DOCK9: variants seen among roughly 807,000 people sequenced by gnomAD.
DOCK9 encodes dedicator of cytokinesis 9.
A neutral mutation model predicts 263.3 loss-of-function variants in DOCK9; 89 were observed. That is an observed-to-expected ratio of 0.34 (90% confidence interval 0.28 to 0.40). The LOEUF (loss-of-function observed/expected upper bound fraction) is 0.40. Ranked by LOEUF, DOCK9 falls within the 10% of genes least tolerant of loss-of-function variation. The pLI is 1.00. For missense variants in DOCK9, 2,140 were observed against 2,603.4 expected (o/e 0.82, Z 3.87); for synonymous variants, 976 against 973.1 (o/e 1.00, Z -0.06).
chr13:99,087,969 G>A (rs1387628359), upstream of DOCK9: 1 of 152,304 alleles, frequency 6.6e-6, no homozygotes, highest in African/African-American at 2.4e-5. Context: ...GCCGCCTGTT[G>A]CGTCCCACCC....
chr13:99,017,112 T>C (rs1885515299), intron 1 of DOCK9, among the ~76,000 whole-genome samples: 1 of 152,194 alleles, frequency 6.6e-6, no homozygotes, highest in Non-Finnish European at 1.5e-5. Flanking sequence ...GTTGGCCACA[T>C]GCAAAAAACA....
At position 98,888,179 on chromosome 13, in the gene DOCK9, C is replaced by T. The variant is rs771981858; in HGVS notation, c.2022G>A (p.Glu674=). 1.5e-5 allele frequency: 24 copies of T among 1,607,862 alleles called. No homozygotes were observed. The East Asian group carries it at 3.8e-4, about 25-fold the overall frequency. Residue 674 remains glutamate (E), a synonymous_variant, in exon 18 of 53, where the codon GAG becomes GAA. Coordinates refer to ENST00000682017, the MANE Select transcript of DOCK9 (RefSeq NM_001366683.2). The part of the protein sequence containing the change: ...AICIEFKDSD[E]EDSQPLKCIY... ...AAACCTTAAGGGGCTGAGAGTCTTC[C>T]TCATCTGAATCTTTGAATTCAATGC...
At chr13:98,979,012 C>T (rs868845907), upstream of DOCK9, among the ~76,000 whole-genome samples, 1 of 151,950 alleles carries the variant, frequency 6.6e-6, no homozygotes, top group Non-Finnish European at 1.5e-5. Flanking sequence ...TAGAAATGAA[C>T]ATTAAAGGGG....
Position 99,045,885 on chromosome 13 carries a change from G to T in DOCK9, c.129+40338C>A, listed in dbSNP as rs1489420263. The stretch of plus-strand genomic sequence containing the variant: ...AGGCGGGCGGATCATGAGGTCAGGA[G>T]ATTGAGACTATTCTGGCTAACACGG... On this transcript the variant is annotated intron_variant, in intron 1 of 32. Transcript: ENST00000427887. Among the ~76,000 whole-genome samples the T allele has an allele frequency of 3.3e-5, 5 of 150,924 alleles. No homozygotes were observed. In the South Asian group the frequency reaches 1.0e-3, roughly 32 times the overall value.
At chr13:98,927,782 G>C (rs2053240176) in intron 3 of DOCK9, among the ~76,000 whole-genome samples, 1 of 151,794 alleles carries the variant, frequency 6.6e-6, no homozygotes, top group African/African-American at 2.4e-5. Context: ...CACGACGCCT[G>C]GCTACTTTTT....
intron 2 of DOCK9, among the ~76,000 whole-genome samples, chr13:98,939,130 C>G (rs905246883): frequency 3.3e-5 from 5 of 152,242 alleles, no homozygotes; most frequent in Admixed American, 2.6e-4. Flanking sequence ...AAGGGGAGAC[C>G]ACAGCGCTCC....
chr13:98,819,587 T>A (rs1004434242), intron 45 of DOCK9, among the ~76,000 whole-genome samples: 3 of 152,198 alleles, frequency 2.0e-5, no homozygotes, highest in Admixed American at 1.3e-4. Flanking sequence ...TGTGCTGGCA[T>A]CCGGCAAAGG....
chr13:98,885,430 C>A lies in DOCK9; in HGVS notation c.2260+278G>T, dbSNP rs1183011275. On this transcript the variant is annotated intron_variant, in intron 20 of 52. Coordinates refer to ENST00000682017, the MANE Select transcript of DOCK9 (RefSeq NM_001366683.2). The stretch of plus-strand genomic sequence containing the variant: ...ACCAGCCTGGGCAACATGGCGAAAT[C>A]CCGTCTCTACAAAAAAATACAAAAA... The A allele has an allele frequency of 1.5e-5, 8 of 530,662 alleles. No individual in the cohort carries two copies. In the East Asian group the frequency reaches 2.9e-4, roughly 20 times the overall value. The allele number at this position is 530,662 out of a possible 1,614,324, so 32.9% of individuals were successfully genotyped here. A position where few individuals can be genotyped will look rare whatever the true frequency, so the allele number is the denominator to read the frequency against.
At chr13:99,026,921 G>A (rs1255223799) in intron 1 of DOCK9, among the ~76,000 whole-genome samples, 1 of 152,208 alleles carries the variant, frequency 6.6e-6, no homozygotes, top group Non-Finnish European at 1.5e-5. Flanking sequence ...TACTCTAGCA[G>A]AGTACCTTTA....
chr13:98,817,494 T>C (rs1283521850), intron 45 of DOCK9, among the ~76,000 whole-genome samples: 2 of 130,286 alleles, frequency 1.5e-5, no homozygotes, highest in East Asian at 4.4e-4. Context: ...GGTCTCACTA[T>C]GTTTCCCAGG....
rs1312095276 is a variant in DOCK9, at chr13:98,961,672, T to C, written c.127-6121A>G. Among the ~76,000 whole-genome samples, 7 of 151,880 alleles carry C rather than the reference T, an allele frequency of 4.6e-5. No individual in the cohort carries two copies. The East Asian group carries it at 1.4e-3, about 29-fold the overall frequency. ...TGCAAACACTCAGCTCCACTATCAG[T>C]GCCTCAGGGCAGGGCTGAGTCTTGT... On this transcript the variant is annotated intron_variant, in intron 1 of 52. Coordinates refer to ENST00000682017, the MANE Select transcript of DOCK9 (RefSeq NM_001366683.2).
intron 2 of DOCK9, chr13:98,950,122 A>C (rs1200391415): frequency 4.2e-5 from 23 of 544,304 alleles, no homozygotes; most frequent in Non-Finnish European, 6.2e-5. Flanking sequence ...CTTCAGGCAA[A>C]GTCTTGCAAT....
At chr13:98,956,767 AAAGT>A (rs2058103379) in intron 1 of DOCK9, among the ~76,000 whole-genome samples, 1 of 152,192 alleles carries the variant, frequency 6.6e-6, no homozygotes, top group Non-Finnish European at 1.5e-5. Context: ...AATTAAAAAA[AAAGT>A]AAGTCCATTA....
chr13:98,884,434 T>C (rs2045354657), intron 21 of DOCK9, among the ~76,000 whole-genome samples: 1 of 152,186 alleles, frequency 6.6e-6, no homozygotes, highest in Non-Finnish European at 1.5e-5. Context: ...CAGACAAACA[T>C]AAAAAGAACA....
chr13:98,935,801 G>A (rs2054722081), intron 2 of DOCK9, among the ~76,000 whole-genome samples: 1 of 151,988 alleles, frequency 6.6e-6, no homozygotes, highest in Non-Finnish European at 1.5e-5. Context: ...TAAAAGAAAG[G>A]TTGGAACCCA....
chr13:99,022,042 G>A (rs1302692079), intron 1 of DOCK9, among the ~76,000 whole-genome samples: 1 of 152,170 alleles, frequency 6.6e-6, no homozygotes, highest in Non-Finnish European at 1.5e-5. Flanking sequence ...AAATAAAAGT[G>A]TGAACTCTTA....
At chr13:99,076,990 G>C (rs2041933204) in intron 1 of DOCK9, among the ~76,000 whole-genome samples, 1 of 152,208 alleles carries the variant, frequency 6.6e-6, no homozygotes, top group Non-Finnish European at 1.5e-5. Flanking sequence ...GCAACTGAGA[G>C]GGGTGGCCAG....
At position 98,906,568 on chromosome 13, in the gene DOCK9, G is replaced by C. The variant is rs2049131153; in HGVS notation, c.961-1862C>G. On this transcript the variant is annotated intron_variant, in intron 9 of 52. Transcript: ENST00000682017. ...TCTCTCATCTGCTACTTTCCCCAAAGACATGAGTCACATCTCAGCACTTGA... is the reference window on the plus strand; with the variant it reads ...TCTCTCATCTGCTACTTTCCCCAAACACATGAGTCACATCTCAGCACTTGA... Among the ~76,000 whole-genome samples the C allele has an allele frequency of 1.3e-5, 2 of 152,178 alleles. 1 individual carries two copies. The highest frequency in any genetic ancestry group is 4.1e-4 in the South Asian group (2 of 4,820).
intron 1 of DOCK9, among the ~76,000 whole-genome samples, chr13:99,050,279 G>GA (rs201139957): frequency 1.8e-4 from 27 of 151,014 alleles, no homozygotes; most frequent in Admixed American, 5.9e-4. Flanking sequence ...GCCTGTAGGA[G>GA]AAAAAAAAAG....
Sources: gnomAD v4.1 joint callset for allele counts (sites outside exome capture counted in the v4.1 genomes callset) on GRCh38, gnomAD v4.1.1 for gene constraint, MANE v1.5 for transcripts, NCBI Gene and HGNC (gene_info 2026-07-23, HGNC 2026-07-21) for gene names.